MITF: variants seen among roughly 807,000 people sequenced by gnomAD.
MITF encodes the protein melanocyte inducing transcription factor, also known as microphthalmia-associated transcription factor.
In MITF, 17 loss-of-function variants were observed where a neutral mutation model predicts 60.5. That is an observed-to-expected ratio of 0.28 (90% CI 0.19 to 0.42). MITF has a LOEUF of 0.42. Ranked by LOEUF, MITF falls within the 10% of genes least tolerant of loss-of-function variation. The probability of loss-of-function intolerance (pLI) is 1.00; values close to 1 mark genes in which losing one functional copy is unlikely to be tolerated. For missense variants in MITF, 622 were observed against 683.5 expected, an observed-to-expected ratio of 0.91 and a Z score of 1.00; for synonymous variants, 260 against 248.5, an observed-to-expected ratio of 1.05 and a Z score of -0.43.
chr3:69,943,271 C>CA (rs1170380542), intron 5 of MITF, among the ~76,000 whole-genome samples: 2 of 151,686 alleles, frequency 1.3e-5, no homozygotes, highest in Non-Finnish European at 2.9e-5. Flanking sequence ...TGGAAGCCTC[C>CA]AAAAAAGGAT....
chr3:69,842,487 A>G (rs890245612), intron 1 of MITF, among the ~76,000 whole-genome samples: 1 of 152,182 alleles, frequency 6.6e-6, no homozygotes, highest in African/African-American at 2.4e-5. Context: ...CAGTGGTAGA[A>G]GGAAGCTTAT....
chr3:69,748,591 T>C (rs1703817956), intron 1 of MITF, among the ~76,000 whole-genome samples: 1 of 152,170 alleles, frequency 6.6e-6, no homozygotes, highest in Non-Finnish European at 1.5e-5. Flanking sequence ...ACAGCAAATA[T>C]TTTAAGTCTA....
chr3:69,832,964 C>T (rs2063474833), intron 1 of MITF, among the ~76,000 whole-genome samples: 1 of 151,356 alleles, frequency 6.6e-6, no homozygotes, highest in African/African-American at 2.4e-5. Context: ...TCTCTGTTTG[C>T]ACTGTATGTG....
intron 4 of MITF, among the ~76,000 whole-genome samples, chr3:69,939,761 T>C (rs1318317254): frequency 6.6e-6 from 1 of 152,186 alleles, no homozygotes; most frequent in African/African-American, 2.4e-5. Context: ...CTATGTTTCC[T>C]GTCATCAACT....
intron 1 of MITF, chr3:69,769,907 G>C (rs905555170): frequency 7.9e-5 from 12 of 152,176 alleles, no homozygotes; most frequent in South Asian, 4.1e-4. Context: ...CTTTGTTCTA[G>C]ATATTTCATG....
intron 1 of MITF, among the ~76,000 whole-genome samples, chr3:69,789,015 C>T (rs1284188088): frequency 6.6e-6 from 1 of 151,928 alleles, no homozygotes; most frequent in Admixed American, 6.5e-5. Flanking sequence ...ATGGAAAAAA[C>T]ATAGTGATAT....
intron 1 of MITF, among the ~76,000 whole-genome samples, chr3:69,745,578 A>G (rs1307071918): frequency 6.6e-6 from 1 of 152,226 alleles, no homozygotes; most frequent in Non-Finnish European, 1.5e-5. Flanking sequence ...CTTGGAGGGC[A>G]TGGTCCTAAA....
Position 69,951,794 on chromosome 3 carries a change from C to T in MITF, c.881-18C>T, listed in dbSNP as rs1162127380. ...TTCAAACAGTTCCAACTTCTAATGA[C>T]TTCATTCACGTGCACAGCGTGTATT... On this transcript the variant is annotated intron_variant, in intron 6 of 9. Coordinates refer to ENST00000352241, the MANE Select transcript of MITF (RefSeq NM_001354604.2). 1.9e-6 allele frequency: 3 copies of T among 1,606,740 alleles called. No homozygotes were observed. Among genetic ancestry groups the T allele is most frequent in the South Asian group, 1.1e-5 (1 of 90,894 alleles).
At chr3:69,869,479 A>G (rs1320868767) in intron 1 of MITF, among the ~76,000 whole-genome samples, 1 of 152,150 alleles carries the variant, frequency 6.6e-6, no homozygotes, top group Non-Finnish European at 1.5e-5. Context: ...GAATACTAAA[A>G]CATTCAAGAT....
intron 2 of MITF, among the ~76,000 whole-genome samples, chr3:69,919,144 A>T (rs2065404852): frequency 6.6e-6 from 1 of 152,164 alleles, no homozygotes; most frequent in Non-Finnish European, 1.5e-5. Flanking sequence ...AAATTCAGCC[A>T]CCACAGTGCA....
chr3:69,959,977 A>G (rs1389275944), intron 9 of MITF, among the ~76,000 whole-genome samples: 3 of 152,240 alleles, frequency 2.0e-5, no homozygotes, highest in Non-Finnish European at 4.4e-5. Context: ...CATATATTAC[A>G]TAAGGTGACC....
intron 1 of MITF, among the ~76,000 whole-genome samples, chr3:69,798,918 T>C (rs1376457443): frequency 6.6e-6 from 1 of 152,240 alleles, no homozygotes; most frequent in Non-Finnish European, 1.5e-5. Context: ...TCATTTTGCC[T>C]TGTACTTAAT....
chr3:69,873,683 G>A (rs2064288315), intron 1 of MITF, among the ~76,000 whole-genome samples: 1 of 152,190 alleles, frequency 6.6e-6, no homozygotes, highest in South Asian at 2.1e-4. Flanking sequence ...CTGATTGGAG[G>A]TGAGAAATGG....
chr3:69,902,738 T>C (rs911263180), intron 2 of MITF, among the ~76,000 whole-genome samples: 1 of 152,204 alleles, frequency 6.6e-6, no homozygotes, highest in Admixed American at 6.5e-5. Context: ...GACACTGAGA[T>C]GGTAACACAT....
chr3:69,837,076 C>A (rs1340911438), intron 1 of MITF, among the ~76,000 whole-genome samples: 1 of 152,188 alleles, frequency 6.6e-6, no homozygotes, highest in African/African-American at 2.4e-5. Flanking sequence ...TGCATCTTTC[C>A]TTGCCAGTGT....
intron 5 of MITF, among the ~76,000 whole-genome samples, chr3:69,948,121 G>C (rs2066145713): frequency 6.6e-6 from 1 of 152,128 alleles, no homozygotes; most frequent in Non-Finnish European, 1.5e-5. Flanking sequence ...TATAGAAATT[G>C]TTTGAATCAA....
chr3:69,919,343 A>G (rs2065410103), intron 2 of MITF, among the ~76,000 whole-genome samples: 1 of 152,192 alleles, frequency 6.6e-6, no homozygotes, highest in Admixed American at 6.5e-5. Context: ...GTTTAATTTA[A>G]TGCTATTTCT....
chr3:69,920,315 C>T (rs1266284822), intron 2 of MITF, among the ~76,000 whole-genome samples: 1 of 152,046 alleles, frequency 6.6e-6, no homozygotes, highest in African/African-American at 2.4e-5. Flanking sequence ...AGGGAGTCTC[C>T]TTTTCCCCGG....
At chr3:69,819,509 A>G (rs62251038) in intron 1 of MITF, among the ~76,000 whole-genome samples, 51,455 of 152,136 alleles carry the variant, frequency 0.34, 9,732 homozygotes, top group Non-Finnish European at 0.43. Flanking sequence ...AGCAGAGACC[A>G]AGTGTGAACT....
Sources: allele counts gnomAD v4.1 joint callset (sites outside exome capture counted in the v4.1 genomes callset), GRCh38; gene constraint gnomAD v4.1.1; transcripts MANE v1.5; gene names NCBI Gene and HGNC (gene_info 2026-07-23, HGNC 2026-07-21).